ZNF280B: variants seen among roughly 807,000 people sequenced by gnomAD.
ZNF280B encodes zinc finger protein 280B, also known as suppressor of hairy wing homolog 2.
In ZNF280B, 16 loss-of-function variants were observed where a neutral mutation model predicts 38.0. That is an observed-to-expected ratio of 0.42 (90% CI 0.28 to 0.64). The LOEUF (loss-of-function observed/expected upper bound fraction) is 0.64, where lower values mean the gene tolerates loss of function less well. Ranked by LOEUF, ZNF280B falls within the 30% of genes least tolerant of loss-of-function variation. The pLI is 0.21. For synonymous variants in ZNF280B, 253 were observed against 230.6 expected (o/e 1.10, Z -0.88); for missense variants, 581 against 639.6 (o/e 0.91, Z 0.99).
In ZNF280B at chr22:22,488,632, G is replaced by C. The variant is rs2236729; in HGVS notation, c.767C>G (p.Ala256Gly). The C allele has an allele frequency of 6.2e-7, 1 of 1,613,542 alleles. No homozygotes were observed. Among genetic ancestry groups the C allele is most frequent in the Non-Finnish European group, 8.5e-7 (1 of 1,179,896 alleles). ...AATGTCTGTTTTTGCCAATTCATTT[G>C]CCCTATCAAGATTTGTATTTATAGG... The part of the protein sequence containing the change: ...FKPINTNLDR[A>G]NELAKTDILS... The change falls in exon 4 of 4, where the codon GCA (alanine) becomes GGA (glycine). Residue 256 changes from alanine (A) to glycine (G), a missense_variant. Transcript: ENST00000626650.
chr22:22,489,062 C>G lies in ZNF280B; in HGVS notation c.337G>C (p.Asp113His). Residue 113 changes from aspartate to histidine, a missense_variant, in exon 4 of 4, where the codon GAT becomes CAT. Asp to His is a moderately conservative substitution (Grantham distance 81). Transcript: ENST00000626650. ...AAAGGCTCAATAATAATAGGACTATCTGTTGATCTCGATTCAAGTTGGGAA... is the reference window on the plus strand; with the variant it reads ...AAAGGCTCAATAATAATAGGACTATGTGTTGATCTCGATTCAAGTTGGGAA... ...PASQLESRST[D>H]SPIIIEPLSK... The G allele has an allele frequency of 1.2e-6, 2 of 1,613,860 alleles. No individual in the cohort carries two copies. Among genetic ancestry groups the G allele is most frequent in the Non-Finnish European group, 8.5e-7 (1 of 1,179,960 alleles).
intron 2 of ZNF280B, among the ~76,000 whole-genome samples, chr22:22,502,982 T>C (rs947685896): frequency 2.6e-5 from 4 of 151,986 alleles, no homozygotes; most frequent in African/African-American, 9.7e-5. Flanking sequence ...GAAAAGGTGA[T>C]GTGAAGACAG....
chr22:22,495,969 C>A (rs1471889296), intron 2 of ZNF280B, among the ~76,000 whole-genome samples: 2 of 150,686 alleles, frequency 1.3e-5, no homozygotes, highest in Non-Finnish European at 3.0e-5. Flanking sequence ...CCATGCCTGG[C>A]GAATTTTTGT....
chr22:22,502,378 T>G (rs1443625093), intron 2 of ZNF280B, among the ~76,000 whole-genome samples: 1 of 151,902 alleles, frequency 6.6e-6, no homozygotes, highest in East Asian at 2.0e-4. Flanking sequence ...TTGGAAAAGT[T>G]TGGCAATTGC....
rs1040569970 is a variant in ZNF280B, at chr22:22,486,276, G to A, written c.*1491C>T. The A allele has an allele frequency of 2.0e-5, 3 of 152,236 alleles. No homozygotes were observed. Among genetic ancestry groups the A allele is most frequent in the African/African-American group, 7.2e-5 (3 of 41,406 alleles). 9.4% of individuals were successfully genotyped at this position (152,236 alleles called of 1,614,324 possible). Reference sequence around the variant, plus strand: ...GCACAGAAAAATATAAAGCCATTATGGGTTTAAATTCAGTCAGTCACCCTG... The same window carrying A: ...GCACAGAAAAATATAAAGCCATTATAGGTTTAAATTCAGTCAGTCACCCTG... On this transcript the variant is annotated 3_prime_UTR_variant, in exon 4 of 4. Transcript: ENST00000626650.
intron 2 of ZNF280B, among the ~76,000 whole-genome samples, chr22:22,494,969 G>C (rs758503152): frequency 1.3e-5 from 2 of 151,846 alleles, no homozygotes; most frequent in Non-Finnish European, 2.9e-5. Context: ...CTTGTGATCT[G>C]CCTGCGTCGG....
chr22:22,498,152 T>C (rs2061739212), intron 2 of ZNF280B, among the ~76,000 whole-genome samples: 1 of 151,912 alleles, frequency 6.6e-6, no homozygotes, highest in Non-Finnish European at 1.5e-5. Flanking sequence ...CAGAAATAGA[T>C]AAATCCATAG....
intron 3 of ZNF280B, among the ~76,000 whole-genome samples, chr22:22,490,718 T>C (rs934819939): frequency 6.6e-6 from 1 of 151,866 alleles, no homozygotes; most frequent in African/African-American, 2.4e-5. Context: ...TCCACGTGCC[T>C]TGGCCTCCCA....
At position 22,497,208 on chromosome 22, in the gene ZNF280B, TAAAAAAAAAAAAAAAA is replaced by T. The variant is rs71199486; in HGVS notation, c.-186-3044_-186-3029del. Among the ~76,000 whole-genome samples, 324 of 33,634 alleles carry T rather than the reference TAAAAAAAAAAAAAAAA, an allele frequency of 9.6e-3. 10 individuals carry two copies. Among genetic ancestry groups the T allele is most frequent in the African/African-American group, 0.019 (196 of 10,522 alleles). 22.1% of individuals were successfully genotyped at this position (33,634 alleles called of 152,430 possible). Reference sequence around the variant, plus strand: ...TGAGCAGAATCTTGGTCTCCATCTTTAAAAAAAAAAAAAAAAAAAAAAAAAAAAAAAAAAAAAAAAG... The same window carrying T: ...TGAGCAGAATCTTGGTCTCCATCTTTAAAAAAAAAAAAAAAAAAAAAAAAG... On this transcript the variant is annotated intron_variant, in intron 2 of 3. Coordinates refer to ENST00000626650, the MANE Select transcript of ZNF280B (RefSeq NM_080764.4).
Position 22,485,487 on chromosome 22 carries a change from T to C in ZNF280B, c.*2280A>G, listed in dbSNP as rs1302784517. On this transcript the variant is annotated 3_prime_UTR_variant, in exon 4 of 4. Transcript: ENST00000626650. The stretch of plus-strand genomic sequence containing the variant: ...GCAACGTAACTGAAAAGACCTAGTA[T>C]AGTGTTCAAGGTGCAAATCAATCAA... The C allele has an allele frequency of 1.3e-5, 2 of 151,914 alleles. No individual in the cohort carries two copies. Among genetic ancestry groups the C allele is most frequent in the African/African-American group, 2.4e-5 (1 of 41,350 alleles). 9.4% of individuals were successfully genotyped at this position (151,914 alleles called of 1,614,324 possible). A position where few individuals can be genotyped will look rare whatever the true frequency, so the allele number is the denominator to read the frequency against.
chr22:22,508,773 G>C (rs2061994473), upstream of ZNF280B: 2 of 151,898 alleles, frequency 1.3e-5, no homozygotes, highest in African/African-American at 4.8e-5. Context: ...CCGCCGACGC[G>C]CACGCCTCCA....
intron 2 of ZNF280B, among the ~76,000 whole-genome samples, chr22:22,495,933 G>C (rs2061684170): frequency 6.6e-6 from 1 of 151,314 alleles, no homozygotes; most frequent in African/African-American, 2.4e-5. Flanking sequence ...AGCCTACCAA[G>C]TAGCTGGGAT....
At chr22:22,491,198 T>C (rs2061586693) in intron 3 of ZNF280B, among the ~76,000 whole-genome samples, 1 of 151,914 alleles carries the variant, frequency 6.6e-6, no homozygotes, top group Non-Finnish European at 1.5e-5. Context: ...ATAAGATCCT[T>C]TATTTTTAAA....
In ZNF280B at chr22:22,488,042, C is replaced by T. The variant is rs929648293; in HGVS notation, c.1357G>A (p.Gly453Ser). The change falls in exon 4 of 4, where the codon GGC becomes AGC. Residue 453 changes from glycine (G) to serine (S), a missense_variant. Physicochemically the swap from Gly to Ser is moderately conservative, Grantham distance 56 (BLOSUM62 0). Transcript: ENST00000626650. ...TATPYMCHYR[G>S]HWGKSAHQCS... is the part of the protein sequence containing the mutation. ...TGGTGTGCACTCTTTCCCCAGTGGC[C>T]CCTATAATGACACATGTATGGTGTT... is the stretch of plus-strand genomic sequence containing the variant. The T allele has an allele frequency of 1.5e-5, 25 of 1,613,762 alleles. No homozygotes were observed. The highest frequency in any genetic ancestry group is 2.0e-5 in the Non-Finnish European group (24 of 1,179,946).
In ZNF280B at chr22:22,489,472, T is replaced by A; in HGVS notation, c.-68-6A>T. On this transcript the variant is annotated splice_region_variant and splice_polypyrimidine_tract_variant and intron_variant, in intron 3 of 3. Coordinates refer to ENST00000626650, the MANE Select transcript of ZNF280B (RefSeq NM_080764.4). ...TCCTTTATATAAACTGCCACCTAAG[T>A]ACAAACATACATCAGTAAGTACAGG... 1 of 1,272,680 alleles carries A rather than the reference T, an allele frequency of 7.9e-7. No individual in the cohort carries two copies. The allele number at this position is 1,272,680 out of a possible 1,614,324, so 78.8% of individuals were successfully genotyped here. A position where few individuals can be genotyped will look rare whatever the true frequency, so the allele number is the denominator to read the frequency against.
At chr22:22,508,480 G>T (rs2061985966) in intron 1 of ZNF280B, among the ~76,000 whole-genome samples, 179 bp downstream of exon 1, 1 of 151,772 alleles carries the variant, frequency 6.6e-6, no homozygotes, top group Non-Finnish European at 1.5e-5. Context: ...GTGCGTGAGG[G>T]GATCGTGGGA....
At chr22:22,495,968 G>A (rs1287658500) in intron 2 of ZNF280B, among the ~76,000 whole-genome samples, 2 of 151,606 alleles carry the variant, frequency 1.3e-5, no homozygotes, top group Non-Finnish European at 2.9e-5. Flanking sequence ...ACCATGCCTG[G>A]CGAATTTTTG....
intron 2 of ZNF280B, among the ~76,000 whole-genome samples, chr22:22,501,019 CAAAAA>C (rs56907724): frequency 5.0e-5 from 3 of 60,276 alleles, no homozygotes; most frequent in Non-Finnish European, 1.0e-4. Context: ...GACTCCGTCT[CAAAAA>C]AAAAAAAAAA....
rs1480394434 is a variant in ZNF280B, at chr22:22,488,022, T to C, written c.1377A>G (p.Ala459=). The C allele has an allele frequency of 6.2e-7, 1 of 1,613,826 alleles. No individual in the cohort carries two copies. The part of the protein sequence containing the change: ...CHYRGHWGKS[A]HQCSKCRLQF... ...GTAGCCGGCACTTGGAACACTGGTG[T>C]GCACTCTTTCCCCAGTGGCCCCTAT... Residue 459 remains alanine, a synonymous_variant, in exon 4 of 4, where the codon GCA becomes GCG. Transcript: ENST00000626650.
Sources: allele counts gnomAD v4.1 joint callset (sites outside exome capture counted in the v4.1 genomes callset), GRCh38; gene constraint gnomAD v4.1.1; transcripts MANE v1.5; gene names NCBI Gene and HGNC (gene_info 2026-07-23, HGNC 2026-07-21).